RALYL: variants seen among roughly 807,000 people sequenced by gnomAD.
The protein encoded by RALYL is RNA-binding Raly-like protein.
A neutral mutation model predicts 35.1 loss-of-function variants in RALYL; 29 were observed. The ratio of observed to expected loss-of-function variants is 0.83; its 90% CI spans 0.61 to 1.13. The LOEUF is 1.13. Among genes scored for constraint, RALYL ranks in the 50% most tolerant of loss-of-function variants. The pLI, the probability that RALYL is intolerant of heterozygous loss-of-function variation, is 0.00. For missense variants in RALYL, 359 were observed against 360.4 expected (o/e 1.00, Z 0.03); for synonymous variants, 120 against 127.6 (o/e 0.94, Z 0.40).
chr8:84,841,533 A>T (rs1165896851), intron 4 of RALYL, among the ~76,000 whole-genome samples: 1 of 152,056 alleles, frequency 6.6e-6, no homozygotes, highest in Admixed American at 6.6e-5. Flanking sequence ...ACTTTAACAC[A>T]CCACTGTCAA....
intron 2 of RALYL, among the ~76,000 whole-genome samples, chr8:84,704,620 C>T (rs1840856871): frequency 6.6e-6 from 1 of 152,082 alleles, no homozygotes; most frequent in Admixed American, 6.6e-5. Context: ...AAGAGAAAGA[C>T]AGCAGTGGAA....
At chr8:84,369,220 G>A (rs73298703) in intron 1 of RALYL, among the ~76,000 whole-genome samples, 4,491 of 152,146 alleles carry the variant, frequency 0.03, 217 homozygotes, top group African/African-American at 0.1. Context: ...ACTGAGCAGT[G>A]CTCACACTGT....
chr8:84,754,367 G>A (rs1810858873), intron 2 of RALYL, among the ~76,000 whole-genome samples: 1 of 152,010 alleles, frequency 6.6e-6, no homozygotes. Flanking sequence ...GTTGTAGGTG[G>A]GCCCAGGAGG....
chr8:84,548,708 T>A (rs2060519862), intron 2 of RALYL, among the ~76,000 whole-genome samples: 1 of 152,200 alleles, frequency 6.6e-6, no homozygotes, highest in African/African-American at 2.4e-5. Flanking sequence ...CAAAAGTGAT[T>A]TTAAAATATG....
chr8:84,901,973 T>C (rs1350904055), intron 8 of RALYL, among the ~76,000 whole-genome samples: 1 of 152,124 alleles, frequency 6.6e-6, no homozygotes, highest in Non-Finnish European at 1.5e-5. Flanking sequence ...CAATAAGCCA[T>C]TTCCCAGAAC....
intron 2 of RALYL, among the ~76,000 whole-genome samples, chr8:84,530,732 T>A (rs2059224020): frequency 1.3e-5 from 2 of 152,170 alleles, no homozygotes; most frequent in Non-Finnish European, 2.9e-5. Context: ...TTTAAACCTC[T>A]AATGCCTTTC....
intron 2 of RALYL, among the ~76,000 whole-genome samples, chr8:84,694,058 G>C (rs1287798381): frequency 6.6e-6 from 1 of 151,774 alleles, no homozygotes; most frequent in Non-Finnish European, 1.5e-5. Flanking sequence ...TTAGGAACAA[G>C]AACCCCACTC....
At chr8:84,540,649 A>G (rs2059961219) in intron 2 of RALYL, among the ~76,000 whole-genome samples, 1 of 151,848 alleles carries the variant, frequency 6.6e-6, no homozygotes, top group South Asian at 2.1e-4. Flanking sequence ...TGTCCATGCC[A>G]TTTGTACTGT....
chr8:84,538,496 C>T (rs1477314792), intron 2 of RALYL, among the ~76,000 whole-genome samples: 1 of 152,130 alleles, frequency 6.6e-6, no homozygotes, highest in Non-Finnish European at 1.5e-5. Context: ...TCTTTCAACA[C>T]TACATTTGTT....
chr8:84,665,743 A>C (rs1831881904), intron 2 of RALYL: 1 of 151,700 alleles, frequency 6.6e-6, no homozygotes, highest in South Asian at 2.1e-4. Flanking sequence ...AATTTTTTTC[A>C]AAATCCAACT....
Position 84,359,721 on chromosome 8 carries a change from G to A in RALYL, c.-23-169578G>A, listed in dbSNP as rs993109249. 5.9e-5 allele frequency among the ~76,000 whole-genome samples: 9 copies of A among 152,058 alleles called. No individual in the cohort carries two copies. The South Asian group carries it at 1.9e-3, about 32-fold the overall frequency. Reference sequence around the variant, plus strand: ...GCATGCTCTGAGAGGAAAATGAAAAGTCCTTAATTCTAAATTTAATAATTT... The same window carrying A: ...GCATGCTCTGAGAGGAAAATGAAAAATCCTTAATTCTAAATTTAATAATTT... On this transcript the variant is annotated intron_variant, in intron 1 of 8. Coordinates refer to ENST00000521268, the MANE Select transcript of RALYL (RefSeq NM_173848.7).
At chr8:84,281,499 C>T (rs1167497114) in intron 1 of RALYL, among the ~76,000 whole-genome samples, 3 of 149,832 alleles carry the variant, frequency 2.0e-5, no homozygotes, top group African/African-American at 2.5e-5. Flanking sequence ...AGAGTGTCCT[C>T]TCTTGAGCAT....
At chr8:84,282,744 A>ATG (rs1365680466) in intron 1 of RALYL, among the ~76,000 whole-genome samples, 1 of 63,734 alleles carries the variant, frequency 1.6e-5, no homozygotes, top group African/African-American at 5.2e-5. Flanking sequence ...ATATATGTGT[A>ATG]TGCGTGTGTG....
At chr8:84,299,400 G>T (rs1398099262) in intron 1 of RALYL, among the ~76,000 whole-genome samples, 1 of 151,792 alleles carries the variant, frequency 6.6e-6, no homozygotes, top group East Asian at 1.9e-4. Context: ...TTGCATCTTT[G>T]TATATAAAGG....
At chr8:84,430,299 C>G (rs771802275) in intron 1 of RALYL, among the ~76,000 whole-genome samples, 1 of 152,130 alleles carries the variant, frequency 6.6e-6, no homozygotes, top group Admixed American at 6.6e-5. Context: ...TTTCCTCTAC[C>G]GTGCAGTAAT....
At chr8:84,685,300 C>T (rs973498352) in intron 2 of RALYL, among the ~76,000 whole-genome samples, 3 of 152,082 alleles carry the variant, frequency 2.0e-5, no homozygotes, top group African/African-American at 7.2e-5. Flanking sequence ...AGAGAAGATA[C>T]AGTCTACTTT....
intron 1 of RALYL, among the ~76,000 whole-genome samples, chr8:84,458,436 T>G (rs2050384555): frequency 6.6e-6 from 1 of 151,804 alleles, no homozygotes; most frequent in Non-Finnish European, 1.5e-5. Context: ...GTATCTAGAA[T>G]TTTTCTTATA....
In RALYL at chr8:84,889,026, A is replaced by G. The variant is rs190784893; in HGVS notation, c.858+1250A>G. Among the ~76,000 whole-genome samples the G allele has an allele frequency of 3.2e-4, 49 of 152,334 alleles. 1 individual carries two copies. The East Asian group carries it at 9.4e-3, about 29-fold the overall frequency. ...CGGCCTCCCAAAGAGCTGGGATTAC[A>G]TGTGTGAACCACTGTGCCCAGCCAG... On this transcript the variant is annotated intron_variant, in intron 8 of 8. Transcript: ENST00000521268.
intron 1 of RALYL, among the ~76,000 whole-genome samples, chr8:84,346,477 C>A (rs918870238): frequency 2.0e-5 from 3 of 151,964 alleles, no homozygotes; most frequent in Non-Finnish European, 4.4e-5. Flanking sequence ...GTTTCTAATG[C>A]TCTTTTTTTG....
Sources: gnomAD v4.1 joint callset for allele counts (sites outside exome capture counted in the v4.1 genomes callset) on GRCh38, gnomAD v4.1.1 for gene constraint, MANE v1.5 for transcripts, NCBI Gene and HGNC (gene_info 2026-07-23, HGNC 2026-07-21) for gene names.